The following CDH23 variants were observed in gnomAD, a reference collection of about 807,000 sequenced individuals.
CDH23 encodes cadherin-23.
In CDH23, 189 loss-of-function variants were observed where a neutral mutation model predicts 317.1. The ratio of observed to expected loss-of-function variants is 0.60; its 90% CI spans 0.53 to 0.67. The LOEUF (loss-of-function observed/expected upper bound fraction) is 0.67, where lower values mean the gene tolerates loss of function less well. Among genes scored for constraint, CDH23 ranks in the 30% least tolerant of loss-of-function variants. The probability of loss-of-function intolerance (pLI) is 0.00; values close to 1 mark genes in which losing one functional copy is unlikely to be tolerated. For missense variants in CDH23, 4,401 were observed against 4,592.4 expected (o/e 0.96, Z 1.20); for synonymous variants, 1,839 against 1,876.8 (o/e 0.98, Z 0.52).
chr10:71,464,691 A>G (rs1382434929), intron 3 of CDH23, among the ~76,000 whole-genome samples: 1 of 152,172 alleles, frequency 6.6e-6, no homozygotes, highest in Non-Finnish European at 1.5e-5. Flanking sequence ...GAGTGGGTAG[A>G]GCAGGACAGC....
intron 65 of CDH23, 38 bp from the exon 66 acceptor site, chr10:71,811,917 T>A: frequency 6.8e-7 from 1 of 1,467,210 alleles, no homozygotes; most frequent in East Asian, 2.5e-5. Flanking sequence ...CCCCTGGCTA[T>A]GCCCCTCCCC....
intron 9 of CDH23, among the ~76,000 whole-genome samples, chr10:71,600,673 C>T (rs1002214175): frequency 5.9e-5 from 9 of 151,994 alleles, no homozygotes; most frequent in Non-Finnish European, 1.2e-4. Context: ...CGCACCACCA[C>T]GCCCAGCTAA....
intron 2 of CDH23, among the ~76,000 whole-genome samples, chr10:71,440,466 A>AC (rs35093220): frequency 0.34 from 51,882 of 152,040 alleles, 9,358 homozygotes; most frequent in Middle Eastern, 0.47. Flanking sequence ...GACAGGAGAA[A>AC]CCCAGCCAGA....
chr10:71,739,706 C>T lies in CDH23; in HGVS notation c.4422C>T (p.Asp1474=), dbSNP rs946145868. 10 of 1,613,512 alleles carry T rather than the reference C, an allele frequency of 6.2e-6. No individual in the cohort carries two copies. Among genetic ancestry groups the T allele is most frequent in the Non-Finnish European group, 8.5e-6 (10 of 1,179,694 alleles). The part of the protein sequence containing the change: ...AGAFEIVTTN[D]SIGEVFVARP... Reference sequence around the variant, plus strand: ...CCTTTGAGATCGTCACCACCAATGACTCCATTGGCGAAGTGTTTGTGGCCA... The same window carrying T: ...CCTTTGAGATCGTCACCACCAATGATTCCATTGGCGAAGTGTTTGTGGCCA... The change falls in exon 36 of 70, where the codon GAC becomes GAT. Residue 1474 remains aspartate (D), a synonymous_variant. Coordinates refer to ENST00000224721, the MANE Select transcript of CDH23 (RefSeq NM_022124.6).
chr10:71,582,738 T>C (rs974111457), intron 9 of CDH23, among the ~76,000 whole-genome samples: 4 of 152,184 alleles, frequency 2.6e-5, no homozygotes, highest in African/African-American at 9.7e-5. Context: ...GCGTGGACTC[T>C]TCATTCCCAC....
chr10:71,580,283 A>G (rs1858531357), intron 9 of CDH23, among the ~76,000 whole-genome samples: 1 of 152,222 alleles, frequency 6.6e-6, no homozygotes, highest in Non-Finnish European at 1.5e-5. Context: ...TGCCTGCAGC[A>G]TCTCCAGTGG....
chr10:71,428,746 G>A (rs1013400118), intron 1 of CDH23, among the ~76,000 whole-genome samples: 2 of 152,114 alleles, frequency 1.3e-5, no homozygotes, highest in Non-Finnish European at 2.9e-5. Context: ...ACGCCACCAA[G>A]TTGGGCTAAT....
intron 3 of CDH23, among the ~76,000 whole-genome samples, chr10:71,478,166 A>G (rs1851887437): frequency 6.6e-6 from 1 of 152,172 alleles, no homozygotes; most frequent in African/African-American, 2.4e-5. Context: ...TTATCCTTCT[A>G]TTTTAAAGTC....
In CDH23 at chr10:71,790,311, G is replaced by T; in HGVS notation, c.5947G>T (p.Gly1983Trp). Reference protein sequence around the residue: ...PAGTPLTVLNGPILALDADQD... With the variant: ...PAGTPLTVLNWPILALDADQD... ...AGGCACCCCTCTCACGGTGCTCAAT[G>T]GGCCCATCCTGGCCCTGGATGCAGA... Residue 1983 changes from glycine (G) to tryptophan (W), a missense_variant, in exon 46 of 70, where the codon GGG becomes TGG. Gly to Trp is a radical substitution (Grantham distance 184). Transcript: ENST00000224721. 1.2e-6 allele frequency: 2 copies of T among 1,613,870 alleles called. No individual in the cohort carries two copies. The highest frequency in any genetic ancestry group is 1.1e-5 in the South Asian group (1 of 91,084).
At chr10:71,670,961 C>CTTTT in intron 14 of CDH23, among the ~76,000 whole-genome samples, 1 of 128,596 alleles carries the variant, frequency 7.8e-6, no homozygotes. Flanking sequence ...GATTTGGCAT[C>CTTTT]TTTTTTTTTT....
At chr10:71,603,958 C>G (rs906563922) in intron 9 of CDH23, among the ~76,000 whole-genome samples, 1 of 152,216 alleles carries the variant, frequency 6.6e-6, no homozygotes, top group Non-Finnish European at 1.5e-5. Context: ...CACGCATCTT[C>G]CCCATCTCTC....
chr10:71,407,547 G>A (rs1431763796), intron 1 of CDH23, among the ~76,000 whole-genome samples: 1 of 152,178 alleles, frequency 6.6e-6, no homozygotes, highest in African/African-American at 2.4e-5. Context: ...CTTCCCATCT[G>A]TAAAGCTAGG....
chr10:71,732,131 A>C lies in CDH23; in HGVS notation c.3860A>C (p.Asp1287Ala), dbSNP rs2132824934. 1 of 1,614,006 alleles carries C rather than the reference A, an allele frequency of 6.2e-7. No homozygotes were observed. Among genetic ancestry groups the C allele is most frequent in the African/African-American group, 1.3e-5 (1 of 75,034 alleles). ...TACATGATGAATGTGTCGGCCACTG[A>C]CCAGGCCCCGCCCTTCAACCAGGGC... ...TSYMMNVSAT[D>A]QAPPFNQGFC... The change falls in exon 32 of 70, where the codon GAC (aspartate) becomes GCC (alanine). Residue 1287 changes from aspartate (D) to alanine (A), a missense_variant. Transcript: ENST00000224721.
rs2133018684 is a variant in CDH23, at chr10:71,815,310, C to T, written c.*32C>T. 11 of 1,511,174 alleles carry T rather than the reference C, an allele frequency of 7.3e-6. No individual in the cohort carries two copies. The highest frequency in any genetic ancestry group is 8.9e-6 in the Non-Finnish European group (10 of 1,123,882). The allele number at this position is 1,511,174 out of a possible 1,614,324, so 93.6% of individuals were successfully genotyped here. A position where few individuals can be genotyped will look rare whatever the true frequency, so the allele number is the denominator to read the frequency against. ...AGGGAAGCCTTGTGGGTGTGAGCAG[C>T]ACCCATCCACCGTCCCCTCCCAGGG... On this transcript the variant is annotated 3_prime_UTR_variant, in exon 70 of 70. Transcript: ENST00000224721.
chr10:71,627,342 C>T (rs542669100), intron 11 of CDH23, among the ~76,000 whole-genome samples: 60 of 151,574 alleles, frequency 4.0e-4, no homozygotes, highest in Non-Finnish European at 6.9e-4. Flanking sequence ...ATTAATTTCT[C>T]CCCAGTTGCC....
At chr10:71,791,080 C>T (rs545289028) in intron 46 of CDH23, 52 bp from the exon 47 acceptor site, 7 of 1,463,814 alleles carry the variant, frequency 4.8e-6, no homozygotes, top group Non-Finnish European at 6.5e-6. Flanking sequence ...CCCTGTCTTC[C>T]CACCGCACCC....
At chr10:71,478,613 C>T (rs1851911639) in intron 3 of CDH23, among the ~76,000 whole-genome samples, 1 of 152,190 alleles carries the variant, frequency 6.6e-6, no homozygotes, top group Non-Finnish European at 1.5e-5. Context: ...CTGGTCCAGG[C>T]AAACATGGCC....
chr10:71,570,400 G>T (rs1186412772), intron 7 of CDH23, among the ~76,000 whole-genome samples: 1 of 152,176 alleles, frequency 6.6e-6, no homozygotes, highest in Non-Finnish European at 1.5e-5. Flanking sequence ...CTCAGCAAAG[G>T]AGCTGAGGGC....
chr10:71,799,987 G>A (rs1841513050), intron 52 of CDH23, among the ~76,000 whole-genome samples: 1 of 152,206 alleles, frequency 6.6e-6, no homozygotes, highest in Admixed American at 6.5e-5. Context: ...GCAGAAAGTG[G>A]GCACAGTGTC....
Sources: gnomAD v4.1 joint callset for allele counts (sites outside exome capture counted in the v4.1 genomes callset) on GRCh38, gnomAD v4.1.1 for gene constraint, MANE v1.5 for transcripts, NCBI Gene and HGNC (gene_info 2026-07-23, HGNC 2026-07-21) for gene names.